The following FBP1 variants were observed in gnomAD, a reference collection of about 807,000 sequenced individuals.
The protein encoded by FBP1 is fructose-1,6-bisphosphatase 1.
Under a neutral mutation model 29.9 loss-of-function variants are expected in FBP1, and 22 were observed. The observed-to-expected ratio is 0.74, with a 90% CI of 0.53 to 1.05. The LOEUF (loss-of-function observed/expected upper bound fraction) is 1.05. Ranked by LOEUF, FBP1 falls within the 50% of genes least tolerant of loss-of-function variation. The pLI is 0.00. For synonymous variants in FBP1, 175 were observed against 178.6 expected, an observed-to-expected ratio of 0.98 and a Z score of 0.16; for missense variants, 345 against 448.2, an observed-to-expected ratio of 0.77 and a Z score of 2.08.
chr9:94,609,026 C>T (rs964113802), intron 4 of FBP1, among the ~76,000 whole-genome samples: 1 of 152,032 alleles, frequency 6.6e-6, no homozygotes, highest in Non-Finnish European at 1.5e-5. Context: ...CATGGCGAAA[C>T]CCCGTCTCTA....
chr9:94,619,987 G>A (rs558575721), intron 2 of FBP1, among the ~76,000 whole-genome samples: 1 of 151,988 alleles, frequency 6.6e-6, no homozygotes, highest in East Asian at 1.9e-4. Flanking sequence ...GAGGGTCAGT[G>A]TGAAGGTCAG....
intron 5 of FBP1, 152 bp downstream of exon 5, chr9:94,606,663 T>C (rs1563979026): frequency 2.7e-6 from 2 of 732,678 alleles, no homozygotes; most frequent in Non-Finnish European, 4.5e-6. Flanking sequence ...CATCAACCAA[T>C]AGATTTCCAC....
intron 1 of FBP1, among the ~76,000 whole-genome samples, chr9:94,622,298 G>C (rs563753650): frequency 2.0e-5 from 3 of 152,246 alleles, no homozygotes; most frequent in Non-Finnish European, 4.4e-5. Context: ...CAAGGCGAGA[G>C]CCTTGATGTG....
intron 1 of FBP1, among the ~76,000 whole-genome samples, chr9:94,621,164 A>G (rs1179308384): frequency 7.2e-6 from 1 of 139,400 alleles, no homozygotes; most frequent in Non-Finnish European, 1.5e-5. Flanking sequence ...CAGTGAGCCG[A>G]GATCGTGCCA....
intron 3 of FBP1, among the ~76,000 whole-genome samples, chr9:94,616,869 C>G (rs1827871108): frequency 6.6e-6 from 1 of 152,028 alleles, no homozygotes; most frequent in African/African-American, 2.4e-5. Flanking sequence ...GAGCACCTCT[C>G]CCTCTCCCTC....
At chr9:94,627,053 T>G (rs1828035728) in intron 1 of FBP1, among the ~76,000 whole-genome samples, 1 of 152,096 alleles carries the variant, frequency 6.6e-6, no homozygotes, top group East Asian at 1.9e-4. Context: ...CTGGGTATGG[T>G]GGCATGTGCC....
At chr9:94,609,012 C>T (rs911325077) in intron 4 of FBP1, among the ~76,000 whole-genome samples, 2 of 152,070 alleles carry the variant, frequency 1.3e-5, no homozygotes, top group Non-Finnish European at 2.9e-5. Flanking sequence ...ACCAGCCTGA[C>T]CAACATGGCG....
chr9:94,637,633 C>T (rs1249308693), intron 1 of FBP1, among the ~76,000 whole-genome samples: 1 of 151,928 alleles, frequency 6.6e-6, no homozygotes, highest in African/African-American at 2.4e-5. Context: ...TCAGGCAATC[C>T]ACCTGTTTCG....
rs569127795 is a variant in FBP1, at chr9:94,606,871, C to A, written c.649G>T (p.Ala217Ser). The change falls in exon 5 of 7, where the codon GCC (alanine) becomes TCC (serine). Residue 217 changes from alanine (A) to serine (S), a missense_variant. By Grantham distance (99) the Ala-to-Ser change is moderately conservative. Coordinates refer to ENST00000375326, the MANE Select transcript of FBP1 (RefSeq NM_000507.4). ...GKIYSLNEGY[A>S]RDFDPAVTEY... ...GTGACGGCAGGGTCAAAGTCCCTGG[C>A]GTAGCCCTCGTTAAGGCTGTAGATT... The A allele has an allele frequency of 1.2e-6, 2 of 1,613,948 alleles. No individual in the cohort carries two copies. Among genetic ancestry groups the A allele is most frequent in the Middle Eastern group, 1.7e-4 (1 of 6,050 alleles).
chr9:94,606,393 C>A (rs149099882), intron 5 of FBP1, among the ~76,000 whole-genome samples: 260 of 152,296 alleles, frequency 1.7e-3, no homozygotes, highest in African/African-American at 5.8e-3. Flanking sequence ...GTGGGGGAAC[C>A]ACATTTCATC....
intron 1 of FBP1, among the ~76,000 whole-genome samples, chr9:94,621,830 C>T (rs1012213029): frequency 1.3e-5 from 2 of 152,008 alleles, no homozygotes; most frequent in South Asian, 2.1e-4. Context: ...GCCTGAGTTG[C>T]GAGCCAAGCC....
intron 1 of FBP1, among the ~76,000 whole-genome samples, chr9:94,626,505 A>G (rs1254652604): frequency 1.3e-5 from 2 of 152,186 alleles, no homozygotes; most frequent in Non-Finnish European, 1.5e-5. Flanking sequence ...TCAGGGCTGC[A>G]CAGCCATGAT....
intron 3 of FBP1, among the ~76,000 whole-genome samples, chr9:94,613,942 G>C (rs184727644): frequency 1.3e-5 from 2 of 151,034 alleles, no homozygotes; most frequent in Non-Finnish European, 3.0e-5. Context: ...TTAGCCAAGC[G>C]TGGTGGCGGG....
At chr9:94,616,366 A>C (rs1827862000) in intron 3 of FBP1, among the ~76,000 whole-genome samples, 1 of 151,916 alleles carries the variant, frequency 6.6e-6, no homozygotes, top group African/African-American at 2.4e-5. Context: ...CTAAAATCTC[A>C]GACTTCACCA....
At chr9:94,639,030 G>A in intron 1 of FBP1, 111 bp downstream of exon 1, 2 of 1,084,308 alleles carry the variant, frequency 1.8e-6, no homozygotes, top group Admixed American at 2.0e-5. Context: ...GACATCAGAC[G>A]GACAGACAGA....
rs1377650584 is a variant in FBP1, at chr9:94,610,067, G to A, written c.427-6C>T. 6.2e-7 allele frequency: 1 copy of A among 1,613,686 alleles called. No individual in the cohort carries two copies. The highest frequency in any genetic ancestry group is 8.5e-7 in the Non-Finnish European group (1 of 1,179,648). ...GAAGGCTCATCAGTTGATTTCTAGA[G>A]CAAGAAAGAAATCAAAGAATGTTTT... On this transcript the variant is annotated splice_region_variant and splice_polypyrimidine_tract_variant and intron_variant, in intron 3 of 6. Transcript: ENST00000375326.
rs1827927959 is a variant in FBP1, at chr9:94,620,330, C to A, written c.332G>T (p.Arg111Met). The A allele has an allele frequency of 1.2e-6, 2 of 1,614,012 alleles. No homozygotes were observed. The highest frequency in any genetic ancestry group is 1.7e-6 in the Non-Finnish European group (2 of 1,180,014). Residue 111 changes from arginine to methionine, a missense_variant and splice_region_variant, in exon 2 of 7, where the codon AGG becomes ATG. Arg to Met is a moderately conservative substitution (Grantham distance 91, BLOSUM62 -1). Transcript: ENST00000375326. ...KHAIIVEPEKRGKYVVCFDPL... is the reference protein window; with the variant it reads ...KHAIIVEPEKMGKYVVCFDPL... ...TCAATGGTGGAAGTACAGACCCACC[C>A]TTTTCTCCGGTTCCACTATGATGGC... is the stretch of plus-strand genomic sequence containing the variant.
chr9:94,619,071 A>T (rs1827904168), intron 2 of FBP1, among the ~76,000 whole-genome samples: 1 of 152,192 alleles, frequency 6.6e-6, no homozygotes, highest in African/African-American at 2.4e-5. Context: ...GGAAACTGGA[A>T]CACAGGAAGC....
chr9:94,637,958 T>C (rs375141909), intron 1 of FBP1, among the ~76,000 whole-genome samples: 13 of 151,916 alleles, frequency 8.6e-5, no homozygotes, highest in African/African-American at 2.9e-4. Flanking sequence ...TGGTGGCACA[T>C]GCCTGTAATC....
Sources: gnomAD v4.1 joint callset for allele counts (sites outside exome capture counted in the v4.1 genomes callset) on GRCh38, gnomAD v4.1.1 for gene constraint, MANE v1.5 for transcripts, NCBI Gene and HGNC (gene_info 2026-07-23, HGNC 2026-07-21) for gene names.